RYR2: variants seen among roughly 807,000 people sequenced by gnomAD.
RYR2 encodes cardiac muscle ryanodine receptor-calcium release channel.
A neutral mutation model predicts 601.1 loss-of-function variants in RYR2; 227 were observed. That is an observed-to-expected ratio of 0.38 (90% CI 0.34 to 0.42). RYR2 has a LOEUF of 0.42. RYR2 is among the 10% of genes least tolerant of loss of function. RYR2 has a pLI of 1.00. For synonymous variants in RYR2, 2,223 were observed against 2,175.1 expected, an observed-to-expected ratio of 1.02 and a Z score of -0.61; for missense variants, 4,646 against 6,156.5, an observed-to-expected ratio of 0.75 and a Z score of 8.21.
At chr1:237,604,289 C>G (rs1399014768) in intron 35 of RYR2, among the ~76,000 whole-genome samples, 3 of 152,200 alleles carry the variant, frequency 2.0e-5, no homozygotes, top group Non-Finnish European at 4.4e-5. Flanking sequence ...CACTCAACTA[C>G]ATGGACACTG....
At position 237,795,911 on chromosome 1, in the gene RYR2, CAT is replaced by C. The variant is rs1359957841; in HGVS notation, c.13956+583_13956+584del. On this transcript the variant is annotated intron_variant, in intron 96 of 104. Transcript: ENST00000366574. ...ATACACACATATATGGATACACACA[CAT>C]ATGCACGCGTATGTGTGTACATATG... is the stretch of plus-strand genomic sequence containing the variant. 4.9e-3 allele frequency among the ~76,000 whole-genome samples: 420 copies of C among 85,650 alleles called. 1 individual carries two copies. The highest frequency in any genetic ancestry group is 0.046 in the East Asian group (27 of 590). 56.2% of individuals were successfully genotyped at this position (85,650 alleles called of 152,430 possible).
chr1:237,590,149 T>C lies in RYR2; in HGVS notation c.3807+148T>C, dbSNP rs1572996883. Reference sequence around the variant, plus strand: ...TATAGTAGTGGAATCTAAGCAAAGATGGTACTTTCTACCAGCTATCAGTGG... The same window carrying C: ...TATAGTAGTGGAATCTAAGCAAAGACGGTACTTTCTACCAGCTATCAGTGG... On this transcript the variant is annotated intron_variant, in intron 30 of 104. Transcript: ENST00000366574. 4.0e-6 allele frequency: 3 copies of C among 752,646 alleles called. No homozygotes were observed. In the East Asian group the frequency reaches 8.2e-5, roughly 21 times the overall value. 46.6% of individuals were successfully genotyped at this position (752,646 alleles called of 1,614,324 possible). A position where few individuals can be genotyped will look rare whatever the true frequency, so the allele number is the denominator to read the frequency against.
At chr1:237,687,367 T>TG in intron 62 of RYR2, 88 bp from the exon 63 acceptor site, 1 of 250,810 alleles carries the variant, frequency 4.0e-6, no homozygotes, top group Non-Finnish European at 6.1e-6. Flanking sequence ...TTTCTTCTTC[T>TG]TTTTTTTTTT....
chr1:237,609,241 A>C (rs1677528330), intron 35 of RYR2, among the ~76,000 whole-genome samples: 1 of 115,384 alleles, frequency 8.7e-6, no homozygotes, highest in African/African-American at 2.9e-5. Flanking sequence ...TGACAGTCTC[A>C]CTCTGTCACC....
chr1:237,141,666 G>A (rs982850660), intron 1 of RYR2, among the ~76,000 whole-genome samples: 2 of 152,176 alleles, frequency 1.3e-5, no homozygotes, highest in African/African-American at 4.8e-5. Context: ...GGACCTTCTG[G>A]GCGGCAGCGG....
intron 16 of RYR2, among the ~76,000 whole-genome samples, chr1:237,457,236 A>G (rs1183652750): frequency 6.6e-6 from 1 of 152,108 alleles, no homozygotes; most frequent in African/African-American, 2.4e-5. Flanking sequence ...CCATCTAATC[A>G]ATGATCTGCT....
At chr1:237,631,860 C>T (rs1045918476) in intron 42 of RYR2, among the ~76,000 whole-genome samples, 24 of 91,506 alleles carry the variant, frequency 2.6e-4, no homozygotes, top group Non-Finnish European at 4.7e-4. Context: ...GATCTCCTGA[C>T]CTCGTGATCC....
intron 1 of RYR2, among the ~76,000 whole-genome samples, chr1:237,073,881 A>G (rs1664687776): frequency 6.6e-6 from 1 of 151,632 alleles, no homozygotes; most frequent in Non-Finnish European, 1.5e-5. Context: ...AAAAAAAAAA[A>G]AAAGCTTCAG....
chr1:237,123,650 ATTTTTTTTTTT>A (rs869177997), intron 1 of RYR2, among the ~76,000 whole-genome samples: 110 of 78,970 alleles, frequency 1.4e-3, no homozygotes, highest in African/African-American at 4.2e-3. Context: ...ATCAGTCACT[ATTTTTTTTTTT>A]TTTTTTTTTT....
At position 237,773,540 on chromosome 1, in the gene RYR2, T is replaced by C. The variant is rs767541540; in HGVS notation, c.11667T>C (p.Tyr3889=). ...LRVQESISDF[Y]WYYSGKDVID... Reference sequence around the variant, plus strand: ...CCCAGGAATCAATTAGTGACTTTTATTGGTATTACTCTGGGAAAGATGTTA... The same window carrying C: ...CCCAGGAATCAATTAGTGACTTTTACTGGTATTACTCTGGGAAAGATGTTA... The change falls in exon 87 of 105, where the codon TAT becomes TAC. Residue 3889 remains tyrosine, a synonymous_variant. Transcript: ENST00000366574. 6.3e-7 allele frequency: 1 copy of C among 1,587,890 alleles called. No individual in the cohort carries two copies. The highest frequency in any genetic ancestry group is 1.1e-5 in the South Asian group (1 of 90,406).
intron 1 of RYR2, among the ~76,000 whole-genome samples, chr1:237,108,226 G>A (rs1395571650): frequency 6.6e-6 from 1 of 152,200 alleles, no homozygotes; most frequent in Non-Finnish European, 1.5e-5. Flanking sequence ...ACCTCCAGGA[G>A]AGGGGCCTGG....
chr1:237,453,621 T>A (rs947497672), intron 14 of RYR2, among the ~76,000 whole-genome samples: 5 of 152,124 alleles, frequency 3.3e-5, no homozygotes, highest in African/African-American at 1.2e-4. Flanking sequence ...ACAGTAGAGA[T>A]GTTGTCCCAT....
chr1:237,620,315 C>G (rs1454817960), intron 38 of RYR2, among the ~76,000 whole-genome samples: 1 of 151,960 alleles, frequency 6.6e-6, no homozygotes, highest in African/African-American at 2.4e-5. Context: ...ATACTCAGAG[C>G]AAGCACTAGA....
Position 237,614,716 on chromosome 1 carries a change from C to T in RYR2, c.5588C>T (p.Thr1863Met), listed in dbSNP as rs770863319. 55 of 1,613,864 alleles carry T rather than the reference C, an allele frequency of 3.4e-5. No homozygotes were observed. The highest frequency in any genetic ancestry group is 1.6e-4 in the Middle Eastern group (1 of 6,084). The change falls in exon 37 of 105, where the codon ACG becomes ATG. Residue 1863 changes from threonine (T) to methionine (M), a missense_variant. Transcript: ENST00000366574. This position sits in a 1 kb window ranked among gnomAD's most constrained non-coding sequence, Gnocchi z 4.3. ...GCCACTCCGGAGGAGGAGAGTGACACGCTGGAGAAAGAGCTCAGTGTGGAC... is the reference window on the plus strand; with the variant it reads ...GCCACTCCGGAGGAGGAGAGTGACATGCTGGAGAAAGAGCTCAGTGTGGAC... ...EAATPEEESD[T>M]LEKELSVDDA...
chr1:237,583,257 A>AT (rs1378511520), intron 29 of RYR2, among the ~76,000 whole-genome samples: 1 of 151,786 alleles, frequency 6.6e-6, no homozygotes, highest in African/African-American at 2.4e-5. Flanking sequence ...TTTTTTGCCC[A>AT]TTTTTTAAAT....
intron 1 of RYR2, among the ~76,000 whole-genome samples, chr1:237,082,951 A>G (rs1302582457): frequency 5.9e-5 from 9 of 152,144 alleles, no homozygotes; most frequent in Admixed American, 5.9e-4. Context: ...GGAAATTTTT[A>G]ACAATTTCCC....
Position 237,784,479 on chromosome 1 carries a change from T to C in RYR2, c.12767T>C (p.Met4256Thr), listed in dbSNP as rs530277653. The C allele has an allele frequency of 1.5e-5, 24 of 1,613,552 alleles. No homozygotes were observed. Among genetic ancestry groups the C allele is most frequent in the Non-Finnish European group, 1.2e-5 (14 of 1,179,744 alleles). ...CTCAGGTACAATATCTTGACCCTTA[T>C]GCGAATGCTCAGTCTGAAGAGCCTG... ...FALRYNILTL[M>T]RMLSLKSLKK... Residue 4256 changes from methionine (M) to threonine (T), a missense_variant, in exon 90 of 105, where the codon ATG (methionine) becomes ACG (threonine). This residue lies in a region of RYR2 where 364 missense variants were observed against 442.9 expected (regional missense o/e 0.82). Coordinates refer to ENST00000366574, the MANE Select transcript of RYR2 (RefSeq NM_001035.3). This position sits in a 1 kb window ranked among gnomAD's most constrained non-coding sequence, Gnocchi z 7.1.
chr1:237,254,931 T>C (rs1032125229), intron 1 of RYR2, among the ~76,000 whole-genome samples: 2 of 152,168 alleles, frequency 1.3e-5, no homozygotes, highest in Non-Finnish European at 2.9e-5. Flanking sequence ...TCTGCATGTC[T>C]CAATGTTTGA....
Position 237,051,218 on chromosome 1 carries a change from C to A in RYR2, c.48+8649C>A, listed in dbSNP as rs867534177. ...CCTTCCCTCCCTTTCCCTTTCTCTC[C>A]CCCCCCTTCCTCCCCTTTCCCTCCC... On this transcript the variant is annotated intron_variant, in intron 1 of 104. Coordinates refer to ENST00000366574, the MANE Select transcript of RYR2 (RefSeq NM_001035.3). 7.0e-3 allele frequency among the ~76,000 whole-genome samples: 738 copies of A among 105,270 alleles called. 9 individuals are homozygous for A. The highest frequency in any genetic ancestry group is 0.027 in the African/African-American group (702 of 26,084). The allele number at this position is 105,270 out of a possible 152,430, so 69.1% of individuals were successfully genotyped here. A position where few individuals can be genotyped will look rare whatever the true frequency, so the allele number is the denominator to read the frequency against.
Sources: gnomAD v4.1 joint callset for allele counts (sites outside exome capture counted in the v4.1 genomes callset) on GRCh38, gnomAD v4.1.1 for gene constraint, gnomAD v4.1.1 regional missense constraint, Gnocchi (gnomAD v3.1) non-coding constraint, MANE v1.5 for transcripts, NCBI Gene and HGNC (gene_info 2026-07-23, HGNC 2026-07-21) for gene names.